Variants in SLC12A6 observed in about 807,000 individuals in gnomAD.
The protein encoded by SLC12A6 is solute carrier family 12 member 6, also known as K-Cl cotransporter 3.
A neutral mutation model predicts 135.3 loss-of-function variants in SLC12A6; 66 were observed. The observed-to-expected ratio is 0.49, with a 90% CI of 0.40 to 0.60. SLC12A6 has a LOEUF of 0.60. SLC12A6 is among the 20% of genes least tolerant of loss of function. The probability of loss-of-function intolerance (pLI) is 0.00; values close to 1 mark genes in which losing one functional copy is unlikely to be tolerated. For synonymous variants in SLC12A6, 513 were observed against 508.8 expected (o/e 1.01, Z -0.11); for missense variants, 1,058 against 1,452.3 (o/e 0.73, Z 4.41).
chr15:34,261,670 A>G (rs1356381010), intron 3 of SLC12A6, among the ~76,000 whole-genome samples: 1 of 152,184 alleles, frequency 6.6e-6, no homozygotes, highest in Non-Finnish European at 1.5e-5. Flanking sequence ...AGGGTATAAT[A>G]CTGTGTTAGA....
intron 2 of SLC12A6, among the ~76,000 whole-genome samples, chr15:34,312,004 T>G (rs1037904823): frequency 1.2e-4 from 19 of 152,360 alleles, no homozygotes; most frequent in Admixed American, 1.2e-3. Context: ...AAAGTAGTTC[T>G]TATTTTTGAG....
intron 2 of SLC12A6, among the ~76,000 whole-genome samples, chr15:34,277,791 A>C (rs1172441887): frequency 6.6e-6 from 1 of 152,180 alleles, no homozygotes; most frequent in Non-Finnish European, 1.5e-5. Flanking sequence ...AATACCTTGT[A>C]TCTCTCAGGT....
intron 3 of SLC12A6, among the ~76,000 whole-genome samples, chr15:34,266,324 T>C (rs1893517943): frequency 6.6e-6 from 1 of 152,154 alleles, no homozygotes; most frequent in Non-Finnish European, 1.5e-5. Context: ...TATTAGGTAT[T>C]AGAAGGTAAC....
chr15:34,285,717 T>TATACACACACACACACACACACA (rs144158165), intron 2 of SLC12A6, among the ~76,000 whole-genome samples: 50,299 of 130,730 alleles, frequency 0.38, 10,801 homozygotes, highest in East Asian at 0.61. Flanking sequence ...TGTGTGTTTG[T>TATACACACACACACACACACACA]CATACATAAA....
intron 2 of SLC12A6, among the ~76,000 whole-genome samples, chr15:34,297,018 A>G (rs533988688): frequency 4.6e-5 from 7 of 152,352 alleles, no homozygotes; most frequent in Non-Finnish European, 1.0e-4. Flanking sequence ...AAACATCTTG[A>G]TAAGTTTTAA....
intron 2 of SLC12A6, among the ~76,000 whole-genome samples, chr15:34,297,868 CAA>C (rs1297005617): frequency 6.6e-6 from 1 of 152,032 alleles, no homozygotes; most frequent in Non-Finnish European, 1.5e-5. Flanking sequence ...GTATTTTAGG[CAA>C]GGAAACATGA....
In SLC12A6 at chr15:34,251,034, G is replaced by T; in HGVS notation, c.1357C>A (p.Pro453Thr). ...ITENLWSNYLPKGEIIEKPSA... is the reference protein window; with the variant it reads ...ITENLWSNYLTKGEIIEKPSA... ...GGCTTTTCGATGATCTCTCCCTTGG[G>T]TAGGTAATTACTCCAAAGATTCTCT... Residue 453 changes from proline (P) to threonine (T), a missense_variant, in exon 11 of 26, where the codon CCC (proline) becomes ACC (threonine). Pro to Thr is a conservative substitution (Grantham distance 38, BLOSUM62 -1). This residue lies in a region of SLC12A6 where 297 missense variants were observed against 318.5 expected (regional missense o/e 0.93). Transcript: ENST00000354181. The T allele has an allele frequency of 1.2e-6, 2 of 1,610,348 alleles. No homozygotes were observed. Among genetic ancestry groups the T allele is most frequent in the Non-Finnish European group, 1.7e-6 (2 of 1,176,796 alleles).
chr15:34,324,944 T>C lies in SLC12A6; in HGVS notation c.271+11466A>G, dbSNP rs116323568. Among the ~76,000 whole-genome samples, 536 of 152,232 alleles carry C rather than the reference T, an allele frequency of 3.5e-3. 3 individuals are homozygous for C. The highest frequency in any genetic ancestry group is 0.013 in the African/African-American group (520 of 41,546). On this transcript the variant is annotated intron_variant, in intron 2 of 25. Coordinates refer to ENST00000354181, the MANE Select transcript of SLC12A6 (RefSeq NM_001365088.1). ...AATTACTAGAAAAATAAAATAAATA[T>C]ATATCAAATATAAGCCCCAATTTGT...
intron 2 of SLC12A6, among the ~76,000 whole-genome samples, chr15:34,324,350 AG>A (rs1015743921): frequency 3.3e-5 from 5 of 152,212 alleles, no homozygotes; most frequent in Admixed American, 1.3e-4. Context: ...CCAGGGCAAA[AG>A]GGGCATTTAT....
At chr15:34,241,376 A>G in intron 17 of SLC12A6, 39 bp from the exon 18 acceptor site, 1 of 1,059,178 alleles carries the variant, frequency 9.4e-7, no homozygotes, top group Non-Finnish European at 1.5e-6. Flanking sequence ...AATTTAAACT[A>G]TAGTAAGTAT....
At chr15:34,331,035 C>CT (rs11378923) in intron 2 of SLC12A6, among the ~76,000 whole-genome samples, 28,047 of 151,900 alleles carry the variant, frequency 0.18, 2,893 homozygotes, top group East Asian at 0.33. Context: ...GAGTGAGACT[C>CT]TGTCTCAAAA....
At chr15:34,293,148 A>T (rs1895655783) in intron 2 of SLC12A6, among the ~76,000 whole-genome samples, 1 of 152,148 alleles carries the variant, frequency 6.6e-6, no homozygotes, top group South Asian at 2.1e-4. Flanking sequence ...CCATCTTGGA[A>T]GCGACTCCTT....
chr15:34,266,556 C>T, intron 3 of SLC12A6, among the ~76,000 whole-genome samples: 1 of 152,184 alleles, frequency 6.6e-6, no homozygotes. Flanking sequence ...ATCCTCCCAC[C>T]TCAGCCTCCC....
intron 13 of SLC12A6, 106 bp downstream of exon 13, chr15:34,250,190 CCA>C: frequency 1.3e-6 from 1 of 798,674 alleles, no homozygotes; most frequent in South Asian, 1.4e-5. Context: ...CAGGCATGAG[CCA>C]CGGTGCCTGG....
rs188670220 is a variant in SLC12A6, at chr15:34,247,385, C to T, written c.1650-1518G>A. Among the ~76,000 whole-genome samples, 912 of 151,516 alleles carry T rather than the reference C, an allele frequency of 6.0e-3. 12 individuals are homozygous for T. The highest frequency in any genetic ancestry group is 0.021 in the African/African-American group (853 of 41,386). On this transcript the variant is annotated intron_variant, in intron 13 of 25. Transcript: ENST00000354181. ...ACAAAAAATTAGCTGGGCGTGGTGGCGGGCGCCTGTAGTCCCAGCTACTCG... is the reference window on the plus strand; with the variant it reads ...ACAAAAAATTAGCTGGGCGTGGTGGTGGGCGCCTGTAGTCCCAGCTACTCG...
chr15:34,307,189 G>A (rs1012364100), intron 2 of SLC12A6, among the ~76,000 whole-genome samples: 1 of 152,066 alleles, frequency 6.6e-6, no homozygotes, highest in Non-Finnish European at 1.5e-5. Flanking sequence ...AAAAAATACC[G>A]ATGGGGAAAA....
intron 2 of SLC12A6, among the ~76,000 whole-genome samples, chr15:34,305,471 C>T (rs1226195805): frequency 2.0e-5 from 3 of 147,452 alleles, no homozygotes; most frequent in Non-Finnish European, 3.0e-5. Context: ...TGTTCATACT[C>T]ATTCATTCCT....
chr15:34,308,563 T>G (rs969567796), intron 2 of SLC12A6, among the ~76,000 whole-genome samples: 2 of 142,886 alleles, frequency 1.4e-5, no homozygotes, highest in East Asian at 4.1e-4. Flanking sequence ...AGGCGGAGGT[T>G]GCAGTGAGCC....
At chr15:34,307,761 GAAGA>G (rs1190313060) in intron 2 of SLC12A6, among the ~76,000 whole-genome samples, 1 of 152,174 alleles carries the variant, frequency 6.6e-6, no homozygotes, top group African/African-American at 2.4e-5. Flanking sequence ...CAGCAGAAGA[GAAGA>G]AAGTTGAGAT....
Sources: allele counts gnomAD v4.1 joint callset (sites outside exome capture counted in the v4.1 genomes callset), GRCh38; gene constraint gnomAD v4.1.1; regional missense constraint gnomAD v4.1.1; transcripts MANE v1.5; gene names NCBI Gene and HGNC (gene_info 2026-07-23, HGNC 2026-07-21).